SLC23A2: variants seen among roughly 807,000 people sequenced by gnomAD.
The protein encoded by SLC23A2 is solute carrier family 23 member 2.
Under a neutral mutation model 73.3 loss-of-function variants are expected in SLC23A2, and 36 were observed. The observed-to-expected ratio is 0.49, with a 90% confidence interval of 0.38 to 0.65. The LOEUF (loss-of-function observed/expected upper bound fraction) is 0.65. Ranked by LOEUF, SLC23A2 falls within the 30% of genes least tolerant of loss-of-function variation. SLC23A2 has a pLI of 0.00. For synonymous variants in SLC23A2, 343 were observed against 327.3 expected (o/e 1.05, Z -0.52); for missense variants, 507 against 841.6 (o/e 0.60, Z 4.92).
chr20:4,985,478 C>T (rs554331522), intron 1 of SLC23A2, among the ~76,000 whole-genome samples: 1 of 150,298 alleles, frequency 6.7e-6, no homozygotes, highest in Non-Finnish European at 1.5e-5. Context: ...GACAGGGTCT[C>T]GCTCTATTGC....
At position 4,872,234 on chromosome 20, in the gene SLC23A2, T is replaced by C. The variant is rs1930474461; in HGVS notation, c.1102+1702A>G. On this transcript the variant is annotated intron_variant, in intron 11 of 16. Coordinates refer to ENST00000338244, the MANE Select transcript of SLC23A2 (RefSeq NM_005116.6). The surrounding 1 kb of genome is among the most constrained non-coding windows in gnomAD (Gnocchi z 4.4). Reference sequence around the variant, plus strand: ...CACTGCTCAGGTATTCAAAAGCCCCTCTCTGGCTTGAGACAAAGCACTGGA... The same window carrying C: ...CACTGCTCAGGTATTCAAAAGCCCCCCTCTGGCTTGAGACAAAGCACTGGA... Among the ~76,000 whole-genome samples, 1 of 152,158 alleles carries C rather than the reference T, an allele frequency of 6.6e-6. No homozygotes were observed. The highest frequency in any genetic ancestry group is 1.5e-5 in the Non-Finnish European group (1 of 68,014).
At chr20:4,925,630 G>A (rs1185505406) in intron 3 of SLC23A2, among the ~76,000 whole-genome samples, 2 of 151,976 alleles carry the variant, frequency 1.3e-5, no homozygotes, top group African/African-American at 4.8e-5. Context: ...TTCCTGCCCC[G>A]GCACCCACCG....
chr20:4,941,042 A>C (rs566112422), intron 2 of SLC23A2, among the ~76,000 whole-genome samples: 4 of 152,034 alleles, frequency 2.6e-5, no homozygotes, highest in African/African-American at 9.6e-5. Flanking sequence ...TATAAGCCCA[A>C]CTACTTAGGA....
At position 4,902,661 on chromosome 20, in the gene SLC23A2, G is replaced by A; in HGVS notation, c.208-103C>T. ...TTACAGAAAAACAACTTTATCAAGT[G>A]GTTGCCATCTTCCTGCAGTTTTGAG... On this transcript the variant is annotated intron_variant, in intron 4 of 16. Coordinates refer to ENST00000338244, the MANE Select transcript of SLC23A2 (RefSeq NM_005116.6). This position sits in a 1 kb window ranked among gnomAD's most constrained non-coding sequence, Gnocchi z 4.0. 1 of 590,982 alleles carries A rather than the reference G, an allele frequency of 1.7e-6. No homozygotes were observed. The highest frequency in any genetic ancestry group is 3.0e-5 in the East Asian group (1 of 33,526). The allele number at this position is 590,982 out of a possible 1,614,324, so 36.6% of individuals were successfully genotyped here.
At position 4,932,573 on chromosome 20, in the gene SLC23A2, G is replaced by GAGTAGTTT. The variant is rs764127299; in HGVS notation, c.-19_-12dup. On this transcript the variant is annotated 5_prime_UTR_variant, in exon 3 of 17. Transcript: ENST00000338244. ...ACCAATACCCATCATTAAGAGAAAC[G>GAGTAGTTT]AGTAGTTTACACAGCCGTTGGGGAG... The GAGTAGTTT allele has an allele frequency of 1.5e-5, 21 of 1,433,930 alleles. No individual in the cohort carries two copies. The highest frequency in any genetic ancestry group is 2.1e-5 in the Non-Finnish European group (21 of 1,015,584). The allele number at this position is 1,433,930 out of a possible 1,614,324, so 88.8% of individuals were successfully genotyped here.
intron 7 of SLC23A2, among the ~76,000 whole-genome samples, 176 bp from the exon 8 acceptor site, chr20:4,884,999 T>C (rs1931040370): frequency 6.6e-6 from 1 of 152,196 alleles, no homozygotes; most frequent in Non-Finnish European, 1.5e-5. Context: ...GATCCTCAAA[T>C]GCTAATTTAA....
intron 2 of SLC23A2, among the ~76,000 whole-genome samples, chr20:4,960,491 A>G (rs2087363873): frequency 6.6e-6 from 1 of 152,248 alleles, no homozygotes; most frequent in Non-Finnish European, 1.5e-5. Flanking sequence ...AAGTTATGCT[A>G]TGCTTAATCA....
chr20:4,980,685 C>T (rs2087712975), intron 1 of SLC23A2, among the ~76,000 whole-genome samples: 1 of 151,866 alleles, frequency 6.6e-6, no homozygotes, highest in Admixed American at 6.6e-5. Context: ...TGGCTGCCAC[C>T]ACACCCGGCT....
At chr20:4,966,569 T>A (rs1172475026) in intron 2 of SLC23A2, among the ~76,000 whole-genome samples, 1 of 152,170 alleles carries the variant, frequency 6.6e-6, no homozygotes, top group Non-Finnish European at 1.5e-5. Flanking sequence ...TTATATTGAT[T>A]GTGTTGAAAT....
At chr20:4,943,412 A>G (rs2087072585) in intron 2 of SLC23A2, among the ~76,000 whole-genome samples, 1 of 152,084 alleles carries the variant, frequency 6.6e-6, no homozygotes, top group African/African-American at 2.4e-5. Context: ...TCACACCTGC[A>G]ATCCCAGCAC....
chr20:4,874,229 C>T, intron 10 of SLC23A2, 137 bp from the exon 11 acceptor site: 1 of 739,032 alleles, frequency 1.4e-6, no homozygotes, highest in Admixed American at 2.9e-5. Context: ...CTTGAATGGA[C>T]TCTCACTGAG....
intron 2 of SLC23A2, among the ~76,000 whole-genome samples, chr20:4,935,050 G>A (rs1371016081): frequency 6.6e-6 from 1 of 151,718 alleles, no homozygotes; most frequent in Non-Finnish European, 1.5e-5. Context: ...AGCTGGGCGT[G>A]GTGGCGGGCA....
At chr20:4,934,439 T>C (rs1048264022) in intron 2 of SLC23A2, among the ~76,000 whole-genome samples, 23 of 152,144 alleles carry the variant, frequency 1.5e-4, no homozygotes, top group Admixed American at 4.6e-4. Context: ...GCATCCCAGA[T>C]GTGCCATGTT....
At chr20:4,987,841 A>G (rs1015388980) in intron 1 of SLC23A2, among the ~76,000 whole-genome samples, 2 of 150,214 alleles carry the variant, frequency 1.3e-5, no homozygotes, top group Non-Finnish European at 2.9e-5. Flanking sequence ...GCAGGACTCC[A>G]TCTCAAAAAA....
At chr20:4,891,964 G>A (rs1202866181) in intron 6 of SLC23A2, among the ~76,000 whole-genome samples, 1 of 151,988 alleles carries the variant, frequency 6.6e-6, no homozygotes, top group Non-Finnish European at 1.5e-5. Flanking sequence ...ATGTTGCCCA[G>A]GCTGGTCTTG....
At chr20:4,928,287 C>A (rs1460302355) in intron 3 of SLC23A2, among the ~76,000 whole-genome samples, 1 of 152,192 alleles carries the variant, frequency 6.6e-6, no homozygotes, top group Non-Finnish European at 1.5e-5. Flanking sequence ...GTGATCCTCC[C>A]ACCTTGGCCT....
Position 4,862,277 on chromosome 20 carries a change from C to T in SLC23A2, c.1487-192G>A, listed in dbSNP as rs940680844. ...GCGCTCTGAGCCAAATGACCCTCGG[C>T]GTACGCGCTATTTGGGCTCCTACGG... On this transcript the variant is annotated intron_variant, in intron 14 of 16. Transcript: ENST00000338244. This position sits in a 1 kb window ranked among gnomAD's most constrained non-coding sequence, Gnocchi z 5.1. 5.3e-5 allele frequency among the ~76,000 whole-genome samples: 8 copies of T among 152,200 alleles called. No homozygotes were observed. Among genetic ancestry groups the T allele is most frequent in the South Asian group, 2.1e-4 (1 of 4,830 alleles).
At chr20:4,886,408 A>G (rs927271406) in intron 6 of SLC23A2, among the ~76,000 whole-genome samples, 12 of 152,242 alleles carry the variant, frequency 7.9e-5, no homozygotes, top group African/African-American at 2.9e-4. Flanking sequence ...ATAAATCATA[A>G]TAGTGATCTA....
chr20:4,999,532 T>A (rs1446986741), intron 1 of SLC23A2, among the ~76,000 whole-genome samples: 1 of 151,672 alleles, frequency 6.6e-6, no homozygotes, highest in African/African-American at 2.4e-5. Context: ...CTGGTTTTTT[T>A]TAAGCTGGCC....
Sources: allele counts gnomAD v4.1 joint callset (sites outside exome capture counted in the v4.1 genomes callset), GRCh38; gene constraint gnomAD v4.1.1; non-coding constraint Gnocchi (gnomAD v3.1); transcripts MANE v1.5; gene names NCBI Gene and HGNC (gene_info 2026-07-23, HGNC 2026-07-21).